CYFIP2: variants seen among roughly 807,000 people sequenced by gnomAD.
CYFIP2 encodes the protein cytoplasmic FMR1-interacting protein 2.
A neutral mutation model predicts 158.7 loss-of-function variants in CYFIP2; 29 were observed. That is an observed-to-expected ratio of 0.18 (90% CI 0.14 to 0.25). CYFIP2 has a LOEUF of 0.25. CYFIP2 is among the 10% of genes least tolerant of loss of function. The probability of loss-of-function intolerance (pLI) is 1.00; values close to 1 mark genes in which losing one functional copy is unlikely to be tolerated. For synonymous variants in CYFIP2, 585 were observed against 617.6 expected, an observed-to-expected ratio of 0.95 and a Z score of 0.78; for missense variants, 852 against 1,639.5, an observed-to-expected ratio of 0.52 and a Z score of 8.29.
intron 13 of CYFIP2, among the ~76,000 whole-genome samples, chr5:157,318,990 G>A (rs1235710924): frequency 1.3e-5 from 2 of 152,168 alleles, no homozygotes; most frequent in Non-Finnish European, 2.9e-5. Context: ...TTGCCACTAG[G>A]TAATAGGCAA....
chr5:157,366,316 A>G (rs1764368301), intron 26 of CYFIP2, among the ~76,000 whole-genome samples: 1 of 152,150 alleles, frequency 6.6e-6, no homozygotes, highest in Non-Finnish European at 1.5e-5. Flanking sequence ...TATACTATGG[A>G]TACATGTATT....
chr5:157,380,342 G>A (rs1463144172), intron 26 of CYFIP2, among the ~76,000 whole-genome samples: 1 of 152,214 alleles, frequency 6.6e-6, no homozygotes, highest in East Asian at 1.9e-4. Context: ...TTTCAGGAAA[G>A]GGCTATGATC....
At position 157,329,848 on chromosome 5, in the gene CYFIP2, G is replaced by A. The variant is rs188525051; in HGVS notation, c.2157-894G>A. On this transcript the variant is annotated intron_variant, in intron 19 of 30. Coordinates refer to ENST00000620254, the MANE Select transcript of CYFIP2 (RefSeq NM_001037333.3). The stretch of plus-strand genomic sequence containing the variant: ...AATATAGATGGTGTCTCTTTCTTGC[G>A]TAAAACCTTTTGGTGCCTTTTAGTT... Among the ~76,000 whole-genome samples, 129 of 152,316 alleles carry A rather than the reference G, an allele frequency of 8.5e-4. 2 individuals are homozygous for A. In the South Asian group the frequency reaches 0.015, roughly 17 times the overall value.
At chr5:157,310,569 C>G (rs367564883) in intron 10 of CYFIP2, among the ~76,000 whole-genome samples, 2 of 152,378 alleles carry the variant, frequency 1.3e-5, no homozygotes, top group African/African-American at 4.8e-5. Context: ...TCATCACCCT[C>G]TGGCTGCTAG....
intron 2 of CYFIP2, among the ~76,000 whole-genome samples, chr5:157,286,552 G>GTATATATATATATATATATATATATATA (rs34826918): frequency 1.7e-4 from 23 of 138,112 alleles, no homozygotes; most frequent in African/African-American, 6.3e-4. Context: ...GCTATTTTAT[G>GTATATATATATATATATATATATATATA]TATATATATA....
chr5:157,279,501 A>G (rs1756822378), intron 1 of CYFIP2, among the ~76,000 whole-genome samples: 1 of 152,226 alleles, frequency 6.6e-6, no homozygotes, highest in Non-Finnish European at 1.5e-5. Flanking sequence ...CCCTGCATTT[A>G]TGGGACCCAC....
intron 1 of CYFIP2, among the ~76,000 whole-genome samples, chr5:157,276,507 T>A (rs907086699): frequency 6.6e-6 from 1 of 152,256 alleles, no homozygotes; most frequent in African/African-American, 2.4e-5. Flanking sequence ...ATCTTTTTTA[T>A]ATGTTTCTGG....
In CYFIP2 at chr5:157,339,389, G is replaced by A. The variant is rs143188720; in HGVS notation, c.2585+133G>A. ...TCTCTCAGAGCCCCTCCTGGGCACA[G>A]GCTTTGTGCTGTCTCACTTGCCTAA... On this transcript the variant is annotated intron_variant, in intron 22 of 30. Coordinates refer to ENST00000620254, the MANE Select transcript of CYFIP2 (RefSeq NM_001037333.3). 3.2e-4 allele frequency: 243 copies of A among 756,002 alleles called. 1 individual carries two copies. The African/African-American group carries it at 3.9e-3, about 12-fold the overall frequency. 46.8% of individuals were successfully genotyped at this position (756,002 alleles called of 1,614,324 possible).
intron 3 of CYFIP2, among the ~76,000 whole-genome samples, chr5:157,292,744 T>C (rs1269895648): frequency 6.6e-6 from 1 of 152,228 alleles, no homozygotes; most frequent in Non-Finnish European, 1.5e-5. Flanking sequence ...ATGTTTTCAG[T>C]TCTCTTGGGT....
At chr5:157,387,133 T>G (rs1766777502) in intron 28 of CYFIP2, among the ~76,000 whole-genome samples, 4 of 152,218 alleles carry the variant, frequency 2.6e-5, no homozygotes, top group Admixed American at 2.6e-4. Context: ...TGACTCAAAT[T>G]GTTAAATATA....
intron 26 of CYFIP2, among the ~76,000 whole-genome samples, chr5:157,366,673 C>T (rs1015193103): frequency 2.6e-5 from 4 of 152,138 alleles, no homozygotes; most frequent in South Asian, 2.1e-4. Flanking sequence ...GTCTGGTCAT[C>T]GCAGCCTCTT....
At chr5:157,286,207 A>G (rs924435204) in intron 2 of CYFIP2, among the ~76,000 whole-genome samples, 1 of 152,152 alleles carries the variant, frequency 6.6e-6, no homozygotes, top group African/African-American at 2.4e-5. Context: ...CTTCTAACCC[A>G]GATTAAAATT....
At chr5:157,286,580 T>TATATATATATA (rs1561691042) in intron 2 of CYFIP2, among the ~76,000 whole-genome samples, 1 of 139,980 alleles carries the variant, frequency 7.1e-6, no homozygotes, top group African/African-American at 2.8e-5. Flanking sequence ...ATATATATAT[T>TATATATATATA]TAGCCTTTCA....
intron 5 of CYFIP2, among the ~76,000 whole-genome samples, chr5:157,298,418 G>T (rs1214048867): frequency 1.3e-5 from 2 of 151,868 alleles, no homozygotes; most frequent in Non-Finnish European, 2.9e-5. Flanking sequence ...TGCAACTTCA[G>T]CCTCCTAGGT....
At chr5:157,290,422 C>T (rs1463751114) in intron 3 of CYFIP2, among the ~76,000 whole-genome samples, 1 of 152,192 alleles carries the variant, frequency 6.6e-6, no homozygotes, top group Non-Finnish European at 1.5e-5. Flanking sequence ...TTCAAATCTC[C>T]TTCTCTGACT....
chr5:157,326,130 G>A, intron 17 of CYFIP2, 41 bp from the exon 18 acceptor site: 1 of 1,426,562 alleles, frequency 7.0e-7, no homozygotes, highest in African/African-American at 1.4e-5. Flanking sequence ...TCCTTAAGGG[G>A]GGTTATTAGC....
chr5:157,338,968 C>T (rs535289332), intron 21 of CYFIP2, 89 bp from the exon 22 acceptor site: 4 of 1,349,232 alleles, frequency 3.0e-6, no homozygotes, highest in Non-Finnish European at 4.0e-6. Context: ...GCAGCTGTCA[C>T]TTGCGTGAAC....
chr5:157,314,998 C>T lies in CYFIP2; in HGVS notation c.1260C>T (p.Asp420=). The T allele has an allele frequency of 6.3e-7, 1 of 1,589,198 alleles. No homozygotes were observed. The highest frequency in any genetic ancestry group is 8.6e-7 in the Non-Finnish European group (1 of 1,167,456). ...VYSWKLVHPT[D]KFCNKDCPGT... ...CTTGGAAGCTGGTTCATCCCACAGACAAGTTCTGCAACAAGGACTGTCCTG... is the reference window on the plus strand; with the variant it reads ...CTTGGAAGCTGGTTCATCCCACAGATAAGTTCTGCAACAAGGACTGTCCTG... Residue 420 remains aspartate (D), a synonymous_variant, in exon 13 of 31, where the codon GAC becomes GAT. Coordinates refer to ENST00000620254, the MANE Select transcript of CYFIP2 (RefSeq NM_001037333.3).
intron 3 of CYFIP2, among the ~76,000 whole-genome samples, chr5:157,291,740 C>T (rs928447781): frequency 1.3e-5 from 2 of 152,146 alleles, no homozygotes; most frequent in Non-Finnish European, 2.9e-5. Flanking sequence ...TGTGACTTGT[C>T]AATGACATTT....
Sources: gnomAD v4.1 joint callset for allele counts (sites outside exome capture counted in the v4.1 genomes callset) on GRCh38, gnomAD v4.1.1 for gene constraint, MANE v1.5 for transcripts, NCBI Gene and HGNC (gene_info 2026-07-23, HGNC 2026-07-21) for gene names.